Variants in ATAD5 observed in about 807,000 individuals in gnomAD.
ATAD5 encodes ATPase family AAA domain containing 5.
Under a neutral mutation model 176.9 loss-of-function variants are expected in ATAD5, and 58 were observed. The observed-to-expected ratio is 0.33, with a 90% CI of 0.27 to 0.41. The LOEUF is 0.41. Among genes scored for constraint, ATAD5 ranks in the 10% least tolerant of loss-of-function variants. The pLI, the probability that ATAD5 is intolerant of heterozygous loss-of-function variation, is 1.00. For missense variants in ATAD5, 1,789 were observed against 2,094.1 expected (o/e 0.85, Z 2.84); for synonymous variants, 640 against 712.6 (o/e 0.90, Z 1.62).
In ATAD5 at chr17:30,877,997, CTG is replaced by C. The variant is rs1428795670; in HGVS notation, c.3919-4_3919-3del. The C allele has an allele frequency of 6.3e-7, 1 of 1,584,318 alleles. No homozygotes were observed. The highest frequency in any genetic ancestry group is 1.7e-5 in the Admixed American group (1 of 59,668). On this transcript the variant is annotated splice_polypyrimidine_tract_variant and splice_region_variant and intron_variant, in intron 16 of 22. Coordinates refer to ENST00000321990, the MANE Select transcript of ATAD5 (RefSeq NM_024857.5). Reference sequence around the variant, plus strand: ...ATTAATATATTAATATTCTAATAAACTGTAGGTTGATGTAATTTTTGATGAAG... The same window carrying C: ...ATTAATATATTAATATTCTAATAAACTAGGTTGATGTAATTTTTGATGAAG...
chr17:30,883,124 A>G (rs977810802), intron 18 of ATAD5, among the ~76,000 whole-genome samples: 1 of 137,412 alleles, frequency 7.3e-6, no homozygotes, highest in Non-Finnish European at 1.6e-5. Context: ...TAAACACCAG[A>G]TTTTTTTTTT....
chr17:30,869,177 C>T lies in ATAD5; in HGVS notation c.3314-71C>T, dbSNP rs1908192306. ...TTGCAAGAAGTTTGTGGGATTTGAT[C>T]ACTGGGTTTCATAAGGTAGAATTGC... On this transcript the variant is annotated intron_variant, in intron 12 of 22. Coordinates refer to ENST00000321990, the MANE Select transcript of ATAD5 (RefSeq NM_024857.5). 1.3e-5 allele frequency: 19 copies of T among 1,508,814 alleles called. No individual in the cohort carries two copies. In the South Asian group the frequency reaches 2.3e-4, roughly 18 times the overall value. The allele number at this position is 1,508,814 out of a possible 1,614,324, so 93.5% of individuals were successfully genotyped here. A position where few individuals can be genotyped will look rare whatever the true frequency, so the allele number is the denominator to read the frequency against.
chr17:30,879,401 T>G lies in ATAD5; in HGVS notation c.4013-22T>G, dbSNP rs72811661. On this transcript the variant is annotated intron_variant, in intron 17 of 22. Transcript: ENST00000321990. ...CTTAGTGTTTAAGAATTTTTTTTTT[T>G]TGTGTGTGTGTGTGTGTGTAGACCC... 0.041 allele frequency: 55,604 copies of G among 1,351,058 alleles called. 552 individuals are homozygous for G. The highest frequency in any genetic ancestry group is 0.062 in the South Asian group (4,803 of 77,976). 83.7% of individuals were successfully genotyped at this position (1,351,058 alleles called of 1,614,324 possible). A position where few individuals can be genotyped will look rare whatever the true frequency, so the allele number is the denominator to read the frequency against.
intron 18 of ATAD5, among the ~76,000 whole-genome samples, chr17:30,880,628 AAAG>A (rs1908958462): frequency 6.6e-6 from 1 of 151,962 alleles, no homozygotes; most frequent in Non-Finnish European, 1.5e-5. Context: ...AAAAAAGAAA[AAAG>A]AGCTATAATT....
chr17:30,877,214 C>T (rs893383713), intron 15 of ATAD5, among the ~76,000 whole-genome samples: 11 of 151,914 alleles, frequency 7.2e-5, no homozygotes, highest in African/African-American at 2.2e-4. Flanking sequence ...GTTGGGATTT[C>T]GCCATGTTGG....
intron 4 of ATAD5, 87 bp from the exon 5 acceptor site, chr17:30,843,826 G>C: frequency 2.6e-6 from 2 of 775,896 alleles, no homozygotes; most frequent in Admixed American, 7.6e-5. Flanking sequence ...TATGTTTTCT[G>C]TGGTTTCTAT....
At chr17:30,855,025 C>A (rs1219202022) in intron 6 of ATAD5, 118 bp from the exon 7 acceptor site, 3 of 943,640 alleles carry the variant, frequency 3.2e-6, no homozygotes, top group Non-Finnish European at 4.6e-6. Context: ...TCTCAAAGTA[C>A]TTATATTACA....
intron 1 of ATAD5, among the ~76,000 whole-genome samples, chr17:30,833,408 C>T (rs1905498680): frequency 6.6e-6 from 1 of 152,024 alleles, no homozygotes. Flanking sequence ...GGGGTAAGAA[C>T]CTTAAACACA....
At chr17:30,841,126 C>T (rs958593166) in intron 4 of ATAD5, among the ~76,000 whole-genome samples, 2 of 152,038 alleles carry the variant, frequency 1.3e-5, no homozygotes, top group Non-Finnish European at 2.9e-5. Flanking sequence ...TCTCCTGCCT[C>T]GGCCTCCCAA....
intron 18 of ATAD5, among the ~76,000 whole-genome samples, chr17:30,880,243 A>G (rs1338268205): frequency 6.6e-6 from 1 of 152,044 alleles, no homozygotes; most frequent in Non-Finnish European, 1.5e-5. Flanking sequence ...GGTCGAGGCC[A>G]TGGCTGCAGT....
intron 10 of ATAD5, 101 bp downstream of exon 10, chr17:30,860,713 T>G: frequency 1.1e-6 from 1 of 941,946 alleles, no homozygotes; most frequent in South Asian, 2.4e-5. Context: ...TTAAAAAATT[T>G]TAATTCAATT....
At chr17:30,851,155 C>G (rs1388051421) in intron 6 of ATAD5, among the ~76,000 whole-genome samples, 1 of 145,074 alleles carries the variant, frequency 6.9e-6, no homozygotes, top group South Asian at 2.3e-4. Flanking sequence ...TCCCAAAGTG[C>G]TGGGATTATA....
intron 3 of ATAD5, among the ~76,000 whole-genome samples, chr17:30,840,240 A>G (rs1411166586): frequency 6.7e-6 from 1 of 150,218 alleles, no homozygotes; most frequent in Admixed American, 6.7e-5. Context: ...GCCAAGGTCC[A>G]TGTATTATAA....
chr17:30,855,461 C>G, intron 7 of ATAD5, 134 bp downstream of exon 7: 2 of 940,026 alleles, frequency 2.1e-6, no homozygotes, highest in South Asian at 4.0e-5. Flanking sequence ...ATTTTAAGGA[C>G]AATTTCTCTC....
At chr17:30,833,826 G>A (rs1905523459) in intron 1 of ATAD5, among the ~76,000 whole-genome samples, 2 of 152,044 alleles carry the variant, frequency 1.3e-5, no homozygotes, top group Admixed American at 6.6e-5. Flanking sequence ...GATTACAGGC[G>A]TGCACCACTA....
intron 6 of ATAD5, among the ~76,000 whole-genome samples, chr17:30,847,922 A>G (rs868485393): frequency 6.6e-6 from 1 of 151,530 alleles, no homozygotes; most frequent in African/African-American, 2.4e-5. Context: ...GGGTTTCACC[A>G]TGTTAGCCAG....
Position 30,879,402 on chromosome 17 carries a change from TGTG to T in ATAD5, c.4013-20_4013-18del, listed in dbSNP as rs2142424890. 11 of 1,102,172 alleles carry T rather than the reference TGTG, an allele frequency of 1.0e-5. No homozygotes were observed. The highest frequency in any genetic ancestry group is 6.6e-5 in the African/African-American group (4 of 60,768). 68.3% of individuals were successfully genotyped at this position (1,102,172 alleles called of 1,614,324 possible). A position where few individuals can be genotyped will look rare whatever the true frequency, so the allele number is the denominator to read the frequency against. On this transcript the variant is annotated intron_variant, in intron 17 of 22. Transcript: ENST00000321990. The stretch of plus-strand genomic sequence containing the variant: ...TTAGTGTTTAAGAATTTTTTTTTTT[TGTG>T]TGTGTGTGTGTGTGTAGACCCAACA...
Position 30,835,828 on chromosome 17 carries a change from G to A in ATAD5, c.1747G>A (p.Ala583Thr). Reference protein sequence around the residue: ...KLTQSKAESEASLLNVSTPKS... With the variant: ...KLTQSKAESETSLLNVSTPKS... ...TACACAGTCTAAAGCTGAATCTGAA[G>A]CCAGCTTGCTAAATGTTTCCACGCC... The change falls in exon 2 of 23, where the codon GCC becomes ACC. Residue 583 changes from alanine (A) to threonine (T), a missense_variant. Around this residue, in one of 6 missense-constraint regions of ATAD5, gnomAD observed 696 missense variants for 712.5 expected, o/e 0.98. Transcript: ENST00000321990. 6.2e-7 allele frequency: 1 copy of A among 1,613,356 alleles called. No homozygotes were observed. Among genetic ancestry groups the A allele is most frequent in the Non-Finnish European group, 8.5e-7 (1 of 1,179,804 alleles).
At chr17:30,845,144 A>G (rs940955596) in intron 6 of ATAD5, among the ~76,000 whole-genome samples, 2 of 152,210 alleles carry the variant, frequency 1.3e-5, no homozygotes, top group Non-Finnish European at 1.5e-5. Context: ...AACCAAAAAT[A>G]CAAAAAAGCT....
Sources: gnomAD v4.1 joint callset for allele counts (sites outside exome capture counted in the v4.1 genomes callset) on GRCh38, gnomAD v4.1.1 for gene constraint, gnomAD v4.1.1 regional missense constraint, MANE v1.5 for transcripts, NCBI Gene and HGNC (gene_info 2026-07-23, HGNC 2026-07-21) for gene names.